NAV2: variants seen among roughly 807,000 people sequenced by gnomAD.
NAV2 encodes helicase, APC down-regulated 1.
Under a neutral mutation model 223.2 loss-of-function variants are expected in NAV2, and 54 were observed. That is an observed-to-expected ratio of 0.24 (90% confidence interval 0.19 to 0.30). NAV2 has a LOEUF of 0.30. Ranked by LOEUF, NAV2 falls within the 10% of genes least tolerant of loss-of-function variation. The pLI, the probability that NAV2 is intolerant of heterozygous loss-of-function variation, is 1.00. For missense variants in NAV2, 2,806 were observed against 3,147.5 expected, an observed-to-expected ratio of 0.89 and a Z score of 2.60; for synonymous variants, 1,279 against 1,239.3, an observed-to-expected ratio of 1.03 and a Z score of -0.67.
At chr11:20,095,167 T>A (rs1392587952) in intron 29 of NAV2, among the ~76,000 whole-genome samples, 1 of 152,144 alleles carries the variant, frequency 6.6e-6, no homozygotes, top group Admixed American at 6.6e-5. Context: ...AGTAAGGAGG[T>A]AAACTTGATA....
intron 1 of NAV2, among the ~76,000 whole-genome samples, chr11:19,425,696 A>T (rs1850799599): frequency 6.6e-6 from 1 of 152,220 alleles, no homozygotes; most frequent in African/African-American, 2.4e-5. Context: ...GATTCTGGAT[A>T]ATGGAGGATT....
intron 1 of NAV2, among the ~76,000 whole-genome samples, chr11:19,634,406 G>T (rs2047433079): frequency 6.6e-6 from 1 of 152,142 alleles, no homozygotes; most frequent in African/African-American, 2.4e-5. Flanking sequence ...TAATTCCTGG[G>T]TGATGAAATA....
intron 1 of NAV2, chr11:19,714,344 G>A (rs1347600081): frequency 2.0e-6 from 1 of 490,612 alleles, no homozygotes. Flanking sequence ...TCTGTCTGGC[G>A]GTTCCGCAGA....
rs995562803 is a variant in NAV2, at chr11:19,880,077, C to A, written c.720C>A (p.His240Gln). 6.2e-7 allele frequency: 1 copy of A among 1,611,144 alleles called. No individual in the cohort carries two copies. The highest frequency in any genetic ancestry group is 8.5e-7 in the Non-Finnish European group (1 of 1,177,924). ...PVTPQAPCQP[H>Q]QPAPHQQSKA... ...CTCCCCAAGCCCCGTGCCAGCCTCACCAGCCAGCGCCACATCAGCAGTCAA... is the reference window on the plus strand; with the variant it reads ...CTCCCCAAGCCCCGTGCCAGCCTCAACAGCCAGCGCCACATCAGCAGTCAA... Residue 240 changes from histidine (H) to glutamine (Q), a missense_variant, in exon 5 of 38, where the codon CAC becomes CAA. Physicochemically the swap from His to Gln is conservative, Grantham distance 24 (BLOSUM62 0). Around this residue, in one of 4 missense-constraint regions of NAV2, gnomAD observed 1,167 missense variants for 1,180.5 expected, o/e 0.99. Transcript: ENST00000349880.
At chr11:19,880,703 C>T (rs1232108042) in intron 5 of NAV2, among the ~76,000 whole-genome samples, 1 of 152,154 alleles carries the variant, frequency 6.6e-6, no homozygotes, top group Non-Finnish European at 1.5e-5. Flanking sequence ...GAGTAATCTG[C>T]AGGGTTGGGG....
chr11:20,063,956 T>C (rs919131511), intron 20 of NAV2, among the ~76,000 whole-genome samples: 1 of 152,148 alleles, frequency 6.6e-6, no homozygotes, highest in Non-Finnish European at 1.5e-5. Flanking sequence ...GCTGATATGG[T>C]CTGTTTTGAA....
At chr11:19,841,069 A>G (rs921616131) in intron 2 of NAV2, among the ~76,000 whole-genome samples, 3 of 152,248 alleles carry the variant, frequency 2.0e-5, no homozygotes, top group South Asian at 2.1e-4. Context: ...AAGGCTTTCT[A>G]CAATGCCTAT....
In NAV2 at chr11:19,949,049, A is replaced by G. The variant is rs1247221378; in HGVS notation, c.2614A>G (p.Lys872Glu). The change falls in exon 10 of 38, where the codon AAG (lysine) becomes GAG (glutamate). Residue 872 changes from lysine (K) to glutamate (E), a missense_variant. This residue lies in a region of NAV2 where 1,167 missense variants were observed against 1,180.5 expected (regional missense o/e 0.99). Transcript: ENST00000349880. ...CATGAGCGACGGGGATGTTCTGAGC[A>G]AGAACATCCGGACCGATGACATTAC... The part of the protein sequence containing the change: ...GYMSDGDVLS[K>E]NIRTDDITSG... 6.2e-7 allele frequency: 1 copy of G among 1,612,886 alleles called. No individual in the cohort carries two copies. The highest frequency in any genetic ancestry group is 8.5e-7 in the Non-Finnish European group (1 of 1,179,246).
intron 2 of NAV2, among the ~76,000 whole-genome samples, 175 bp downstream of exon 2, chr11:19,832,776 G>A (rs956559994): frequency 1.3e-5 from 2 of 152,178 alleles, no homozygotes; most frequent in African/African-American, 4.8e-5. Context: ...TTGATTTTAT[G>A]CTTTTCCTGT....
At position 19,713,538 on chromosome 11, in the gene NAV2, T is replaced by G. The variant is rs1268308938; in HGVS notation, c.-158T>G. 1.4e-6 allele frequency: 2 copies of G among 1,399,766 alleles called. No homozygotes were observed. The highest frequency in any genetic ancestry group is 5.3e-5 in the East Asian group (2 of 37,450). The allele number at this position is 1,399,766 out of a possible 1,614,324, so 86.7% of individuals were successfully genotyped here. A position where few individuals can be genotyped will look rare whatever the true frequency, so the allele number is the denominator to read the frequency against. On this transcript the variant is annotated 5_prime_UTR_variant, in exon 1 of 38. Coordinates refer to ENST00000349880, the MANE Select transcript of NAV2 (RefSeq NM_145117.5). This position sits in a 1 kb window ranked among gnomAD's most constrained non-coding sequence, Gnocchi z 7.2. ...CCAAAGGCGCGCTCGCCCGATTGCTTCGAGTTCCCCGACCTGGGGATTTTT... is the reference window on the plus strand; with the variant it reads ...CCAAAGGCGCGCTCGCCCGATTGCTGCGAGTTCCCCGACCTGGGGATTTTT...
chr11:19,476,621 G>C (rs2133968983), intron 1 of NAV2, among the ~76,000 whole-genome samples: 1 of 152,288 alleles, frequency 6.6e-6, no homozygotes, highest in East Asian at 1.9e-4. Flanking sequence ...GAACATGATA[G>C]GATCCATGAT....
chr11:19,656,818 G>A (rs986823635), intron 1 of NAV2, among the ~76,000 whole-genome samples: 2 of 152,178 alleles, frequency 1.3e-5, no homozygotes, highest in Non-Finnish European at 2.9e-5. Context: ...ACAAGGAAGC[G>A]GTCGGATTCA....
At chr11:20,042,088 G>A (rs2056971564) in intron 12 of NAV2, among the ~76,000 whole-genome samples, 1 of 152,154 alleles carries the variant, frequency 6.6e-6, no homozygotes, top group Admixed American at 6.5e-5. Flanking sequence ...CGTGGTGCCT[G>A]GCAGACAGCA....
intron 6 of NAV2, among the ~76,000 whole-genome samples, chr11:19,896,295 C>T (rs1027499726): frequency 1.3e-5 from 2 of 152,128 alleles, no homozygotes; most frequent in African/African-American, 4.8e-5. Context: ...AAAATTGAAA[C>T]TCGGTGCCCA....
chr11:19,372,010 C>T (rs1383307723), intron 1 of NAV2, among the ~76,000 whole-genome samples: 1 of 152,088 alleles, frequency 6.6e-6, no homozygotes, highest in Non-Finnish European at 1.5e-5. Flanking sequence ...AACTCCTGAT[C>T]TCAGGTGATC....
At chr11:19,885,564 GA>G (rs2040886597) in intron 5 of NAV2, among the ~76,000 whole-genome samples, 1 of 152,046 alleles carries the variant, frequency 6.6e-6, no homozygotes, top group South Asian at 2.1e-4. Flanking sequence ...TATTCTTATT[GA>G]GTATTGAGTC....
At position 19,933,796 on chromosome 11, in the gene NAV2, G is replaced by A. The variant is rs138510568; in HGVS notation, c.1552G>A (p.Glu518Lys). 1.1e-5 allele frequency: 17 copies of A among 1,614,002 alleles called. No homozygotes were observed. In the African/African-American group the frequency reaches 1.9e-4, roughly 18 times the overall value. Reference sequence around the variant, plus strand: ...TGTGACGGAGAGGCTGGACCTCAAGGAGGAGCCAAAAGAAGACCCCAGTGG... The same window carrying A: ...TGTGACGGAGAGGCTGGACCTCAAGAAGGAGCCAAAAGAAGACCCCAGTGG... ...ASVTERLDLK[E>K]EPKEDPSGAA... The change falls in exon 7 of 38, where the codon GAG (glutamate) becomes AAG (lysine). Residue 518 changes from glutamate to lysine, a missense_variant. Physicochemically the swap from Glu to Lys is moderately conservative, Grantham distance 56 (BLOSUM62 1). Transcript: ENST00000349880. This position sits in a 1 kb window ranked among gnomAD's most constrained non-coding sequence, Gnocchi z 4.3.
chr11:19,946,429 G>A lies in NAV2; in HGVS notation c.2175G>A (p.Arg725=). 1 of 1,613,428 alleles carries A rather than the reference G, an allele frequency of 6.2e-7. No individual in the cohort carries two copies. The highest frequency in any genetic ancestry group is 8.5e-7 in the Non-Finnish European group (1 of 1,179,800). Residue 725 remains arginine, a synonymous_variant, in exon 9 of 38, where the codon CGG becomes CGA. Coordinates refer to ENST00000349880, the MANE Select transcript of NAV2 (RefSeq NM_145117.5). ...AAGATCCTGAGGCTCGGCGGCTGCG[G>A]ACAGTGAAGAACATCGCTGATCTGC... The part of the protein sequence containing the change: ...TGEDPEARRL[R]TVKNIADLRQ...
At chr11:19,616,257 C>A (rs2046786041) in intron 1 of NAV2, among the ~76,000 whole-genome samples, 1 of 151,404 alleles carries the variant, frequency 6.6e-6, no homozygotes, top group Non-Finnish European at 1.5e-5. Context: ...TTAATGTGGG[C>A]CCACCTCTCA....
Sources: allele counts gnomAD v4.1 joint callset (sites outside exome capture counted in the v4.1 genomes callset), GRCh38; gene constraint gnomAD v4.1.1; regional missense constraint gnomAD v4.1.1; non-coding constraint Gnocchi (gnomAD v3.1); transcripts MANE v1.5; gene names NCBI Gene and HGNC (gene_info 2026-07-23, HGNC 2026-07-21).